Variants in ELP3 observed in about 807,000 individuals in gnomAD.
ELP3 encodes the protein elongator complex protein 3.
In ELP3, 56 loss-of-function variants were observed where a neutral mutation model predicts 74.9. That is an observed-to-expected ratio of 0.75 (90% CI 0.60 to 0.93). ELP3 has a LOEUF of 0.93. Ranked by LOEUF, ELP3 falls within the 40% of genes least tolerant of loss-of-function variation. The pLI is 0.00. For synonymous variants in ELP3, 222 were observed against 239.8 expected, an observed-to-expected ratio of 0.93 and a Z score of 0.68; for missense variants, 573 against 686.5, an observed-to-expected ratio of 0.83 and a Z score of 1.85.
At chr8:28,173,005 C>A (rs1398654570) in intron 14 of ELP3, among the ~76,000 whole-genome samples, 1 of 151,810 alleles carries the variant, frequency 6.6e-6, no homozygotes, top group East Asian at 1.9e-4. Flanking sequence ...GTATATAATC[C>A]TTTTAATATG....
chr8:28,115,527 T>C (rs1230602823), intron 7 of ELP3, among the ~76,000 whole-genome samples: 1 of 152,206 alleles, frequency 6.6e-6, no homozygotes, highest in Non-Finnish European at 1.5e-5. Context: ...TTACATTTGC[T>C]CTGTATACAG....
At chr8:28,145,177 A>AG (rs1813384872) in intron 10 of ELP3, among the ~76,000 whole-genome samples, 1 of 152,268 alleles carries the variant, frequency 6.6e-6, no homozygotes, top group Admixed American at 6.5e-5. Context: ...GTGTTTATAC[A>AG]GCATCAAGTG....
At chr8:28,174,442 G>T (rs948647293) in intron 14 of ELP3, among the ~76,000 whole-genome samples, 2 of 151,990 alleles carry the variant, frequency 1.3e-5, no homozygotes, top group Non-Finnish European at 2.9e-5. Flanking sequence ...TGTTTTCTTA[G>T]TGGTTACCTT....
upstream of ELP3, among the ~76,000 whole-genome samples, chr8:28,091,317 G>A (rs1811048554): frequency 6.6e-6 from 1 of 152,146 alleles, no homozygotes; most frequent in African/African-American, 2.4e-5. Flanking sequence ...AAAGGAGGAG[G>A]GAATAAGGAG....
chr8:28,162,046 A>G lies in ELP3; in HGVS notation c.1535A>G (p.Glu512Gly). The G allele has an allele frequency of 6.2e-7, 1 of 1,614,212 alleles. No homozygotes were observed. ...GAAGCAGAAAGAATAGCTAGAGAAG[A>G]ACATGGGTCTGGGAAAATCGCTGTG... is the stretch of plus-strand genomic sequence containing the variant. ...MEEAERIARE[E>G]HGSGKIAVIS... The change falls in exon 14 of 15, where the codon GAA becomes GGA. Residue 512 changes from glutamate to glycine, a missense_variant. Glu to Gly is a moderately conservative substitution (Grantham distance 98). Transcript: ENST00000256398.
At position 28,113,116 on chromosome 8, in the gene ELP3, G is replaced by A. The variant is rs761573732; in HGVS notation, c.560G>A (p.Arg187Gln). The A allele has an allele frequency of 2.0e-5, 33 of 1,613,714 alleles. 1 individual carries two copies. Among genetic ancestry groups the A allele is most frequent in the Middle Eastern group, 1.6e-4 (1 of 6,078 alleles). ...GAAGAATACAGAGATTATTTTATTC[G>A]AAATTTACATGATGCCTTATCAGGA... ...LPEEYRDYFI[R>Q]NLHDALSGHT... The change falls in exon 7 of 15, where the codon CGA (arginine) becomes CAA (glutamine). Residue 187 changes from arginine (R) to glutamine (Q), a missense_variant. Coordinates refer to ENST00000256398, the MANE Select transcript of ELP3 (RefSeq NM_018091.6).
upstream of ELP3, among the ~76,000 whole-genome samples, chr8:28,091,812 A>T (rs1209209951): frequency 6.6e-6 from 1 of 152,222 alleles, no homozygotes; most frequent in Non-Finnish European, 1.5e-5. Context: ...TTATCATGGA[A>T]TCTGTGGCCT....
intron 13 of ELP3, among the ~76,000 whole-genome samples, chr8:28,161,544 C>T (rs535950862): frequency 3.3e-5 from 5 of 150,308 alleles, no homozygotes; most frequent in South Asian, 2.1e-4. Flanking sequence ...AGAGTGATCT[C>T]GCCCAATGCA....
At chr8:28,188,214 G>C (rs1207252876) in intron 14 of ELP3, among the ~76,000 whole-genome samples, 2 of 152,210 alleles carry the variant, frequency 1.3e-5, no homozygotes, top group African/African-American at 4.8e-5. Context: ...AATATGCAGG[G>C]GTAATGGACC....
rs538787810 is a variant in ELP3, at chr8:28,097,495, A to C, written c.119+177A>C. Among the ~76,000 whole-genome samples, 3 of 150,884 alleles carry C rather than the reference A, an allele frequency of 2.0e-5. No homozygotes were observed. The East Asian group carries it at 5.9e-4, about 29-fold the overall frequency. On this transcript the variant is annotated intron_variant, in intron 2 of 14. Transcript: ENST00000256398. ...TTTTGCAAGTTCCGCCTCTGGGGTT[A>C]ACGCCATTCTCCTGCCTCAGCCTCC... is the stretch of plus-strand genomic sequence containing the variant.
chr8:28,173,411 T>A (rs980338855), intron 14 of ELP3, among the ~76,000 whole-genome samples: 1 of 152,022 alleles, frequency 6.6e-6, no homozygotes, highest in African/African-American at 2.4e-5. Context: ...AGTATTTTCT[T>A]ATAGAATTCT....
intron 7 of ELP3, among the ~76,000 whole-genome samples, chr8:28,124,666 C>T (rs185149606): frequency 4.6e-5 from 7 of 151,910 alleles, no homozygotes; most frequent in South Asian, 4.2e-4. Flanking sequence ...TTTAGCTACA[C>T]GAGGGGACTA....
chr8:28,116,455 A>C (rs1409333786), intron 7 of ELP3, among the ~76,000 whole-genome samples: 1 of 152,198 alleles, frequency 6.6e-6, no homozygotes, highest in Non-Finnish European at 1.5e-5. Flanking sequence ...AAACTGATCA[A>C]GAGGCCGGGC....
chr8:28,111,255 GTATTT>G (rs1419858518), intron 6 of ELP3, among the ~76,000 whole-genome samples: 1 of 152,094 alleles, frequency 6.6e-6, no homozygotes, highest in Admixed American at 6.6e-5. Context: ...GGATTTTATC[GTATTT>G]AAATTATACC....
chr8:28,144,941 C>T (rs1395857821), intron 10 of ELP3, among the ~76,000 whole-genome samples: 1 of 152,060 alleles, frequency 6.6e-6, no homozygotes, highest in Non-Finnish European at 1.5e-5. Flanking sequence ...ACTTGGGAGG[C>T]TGAGGCAGTA....
intron 1 of ELP3, among the ~76,000 whole-genome samples, chr8:28,095,904 A>G (rs984890817): frequency 2.0e-5 from 3 of 152,212 alleles, no homozygotes; most frequent in Admixed American, 2.0e-4. Context: ...CCCCTGGGCC[A>G]CGGACCAGTA....
intron 3 of ELP3, among the ~76,000 whole-genome samples, chr8:28,105,549 G>C (rs1811655250): frequency 6.6e-6 from 1 of 152,200 alleles, no homozygotes; most frequent in Non-Finnish European, 1.5e-5. Context: ...TGCTGTTAGG[G>C]TGTTGCTGCT....
intron 14 of ELP3, among the ~76,000 whole-genome samples, chr8:28,165,782 A>G (rs1244158476): frequency 6.6e-6 from 1 of 152,214 alleles, no homozygotes; most frequent in Non-Finnish European, 1.5e-5. Flanking sequence ...TTGAGTCACT[A>G]TAGAAAGACT....
chr8:28,137,890 AG>A lies in ELP3; in HGVS notation c.1100+1del, dbSNP rs1328000859. The A allele has an allele frequency of 1.3e-6, 2 of 1,584,788 alleles. No homozygotes were observed. Among genetic ancestry groups the A allele is most frequent in the Non-Finnish European group, 1.7e-6 (2 of 1,171,102 alleles). On this transcript the variant is annotated frameshift_variant and splice_region_variant, in exon 10 of 15. Coordinates refer to ENST00000256398, the MANE Select transcript of ELP3 (RefSeq NM_018091.6). LOFTEE classifies it high-confidence loss of function. ...ATGGACTCGAGTGTACCGAGTACAG[AG>A]GTAGTGTGTTATCTTTTATTCCTAA... Reference protein sequence around the residue: ...PPWTRVYRVQRDIPMPLVSSG... With the variant: ...PPWTRVYRVQXDIPMPLVSSG...
Sources: gnomAD v4.1 joint callset for allele counts (sites outside exome capture counted in the v4.1 genomes callset) on GRCh38, gnomAD v4.1.1 for gene constraint, MANE v1.5 for transcripts, NCBI Gene and HGNC (gene_info 2026-07-23, HGNC 2026-07-21) for gene names.